The following LGI1 variants were observed in gnomAD, a reference collection of about 807,000 sequenced individuals.
LGI1 encodes the protein leucine rich glioma inactivated 1, also known as leucine-rich glioma-inactivated protein 1.
In LGI1, 11 loss-of-function variants were observed where a neutral mutation model predicts 57.7. That is an observed-to-expected ratio of 0.19 (90% CI 0.12 to 0.32). The LOEUF (loss-of-function observed/expected upper bound fraction) is 0.32. LGI1 is among the 10% of genes least tolerant of loss of function. LGI1 has a pLI of 1.00. For synonymous variants in LGI1, 222 were observed against 241.9 expected, an observed-to-expected ratio of 0.92 and a Z score of 0.76; for missense variants, 422 against 661.9, an observed-to-expected ratio of 0.64 and a Z score of 3.98.
rs9651410 is a variant in LGI1 at position 93,777,830 on chromosome 10, C to T, written c.431+213C>T. 0.98 allele frequency among the ~76,000 whole-genome samples: 149,984 copies of T among 152,338 alleles called. 73,867 individuals are homozygous for T. The highest frequency in any genetic ancestry group is 1 in the East Asian group (5,190 of 5,190). On this transcript the variant is annotated intron_variant, in intron 4 of 7. Transcript: ENST00000371418. The stretch of plus-strand genomic sequence containing the variant: ...TAATATTTTTATCCAAAACCAACCA[C>T]AATTAGAAAAGCAATCTAATGCAGG...
chr10:93,796,910 T>G (rs970248379), intron 7 of LGI1, 58 bp from the exon 8 acceptor site: 3 of 1,395,998 alleles, frequency 2.1e-6, no homozygotes, highest in Non-Finnish European at 3.0e-6. Flanking sequence ...AGCCCGCATG[T>G]TTACATGCTC....
In LGI1 at chr10:93,758,841, A is replaced by G; in HGVS notation, c.287+10A>G. 2 of 1,584,896 alleles carry G rather than the reference A, an allele frequency of 1.3e-6. No homozygotes were observed. The highest frequency in any genetic ancestry group is 1.3e-5 in the African/African-American group (1 of 74,420). On this transcript the variant is annotated intron_variant, in intron 2 of 7. Coordinates refer to ENST00000371418, the MANE Select transcript of LGI1 (RefSeq NM_005097.4). This position sits in a 1 kb window ranked among gnomAD's most constrained non-coding sequence, Gnocchi z 4.7. ...CATCGCTGCAGCTCTTGTGAGAAAT[A>G]TTTATATCATGACTATTTTTAATAT...
At chr10:93,767,224 C>A (rs1183448524) in intron 2 of LGI1, 1 of 151,934 alleles carries the variant, frequency 6.6e-6, no homozygotes, top group African/African-American at 2.4e-5. Flanking sequence ...GCTCTGATCT[C>A]CTTGCTTAAA....
At position 93,793,278 on chromosome 10, in the gene LGI1, T is replaced by C. The variant is rs1451583111; in HGVS notation, c.766T>C (p.Phe256Leu). 6.2e-7 allele frequency: 1 copy of C among 1,613,436 alleles called. No individual in the cohort carries two copies. The highest frequency in any genetic ancestry group is 8.5e-7 in the Non-Finnish European group (1 of 1,179,528). The change falls in exon 7 of 8, where the codon TTT (phenylalanine) becomes CTT (leucine). Residue 256 changes from phenylalanine (F) to leucine (L), a missense_variant. Physicochemically the swap from Phe to Leu is conservative, Grantham distance 22 (BLOSUM62 0). Transcript: ENST00000371418. ...TGAGTATGTAGTCATCGCTCAGCCTTTTACTGGAAAATGCATTTTCCTTGA... is the reference window on the plus strand; with the variant it reads ...TGAGTATGTAGTCATCGCTCAGCCTCTTACTGGAAAATGCATTTTCCTTGA... ...NDEYVVIAQP[F>L]TGKCIFLEWD...
At chr10:93,761,183 G>C (rs2059619441) in intron 2 of LGI1, among the ~76,000 whole-genome samples, 1 of 152,180 alleles carries the variant, frequency 6.6e-6, no homozygotes, top group Non-Finnish European at 1.5e-5. Context: ...GATCTCTTCT[G>C]TGAGACAGGG....
intron 4 of LGI1, among the ~76,000 whole-genome samples, chr10:93,781,361 A>C (rs975040435): frequency 3.3e-5 from 4 of 119,934 alleles, no homozygotes; most frequent in Non-Finnish European, 7.8e-5. Context: ...TCCGTCTCTA[A>C]GAAGTAAATA....
At chr10:93,791,179 CAGG>C (rs2059935029) in intron 5 of LGI1, 1 of 152,176 alleles carries the variant, frequency 6.6e-6, no homozygotes, top group Admixed American at 6.6e-5. Context: ...GGTTTAATTC[CAGG>C]AGAATGCCCA....
intron 4 of LGI1, among the ~76,000 whole-genome samples, chr10:93,782,512 A>G (rs2059855049): frequency 6.6e-6 from 1 of 152,174 alleles, no homozygotes; most frequent in African/African-American, 2.4e-5. Flanking sequence ...CCTGGATCAG[A>G]ATTCTAAATG....
intron 2 of LGI1, chr10:93,763,189 A>G (rs939541612): frequency 6.6e-6 from 1 of 152,360 alleles, no homozygotes; most frequent in Middle Eastern, 3.4e-3. Flanking sequence ...AGAAACAGAG[A>G]AAGTCCAGAC....
In LGI1 at chr10:93,766,560, A is replaced by G. The variant is rs1363007585; in HGVS notation, c.287+7729A>G. On this transcript the variant is annotated intron_variant, in intron 2 of 7. Transcript: ENST00000371418. Reference sequence around the variant, plus strand: ...CGCTCTGTCCCCCAGGCTGGAGTGCAGTGGCGCGATCTCGGCTCACTGCAA... The same window carrying G: ...CGCTCTGTCCCCCAGGCTGGAGTGCGGTGGCGCGATCTCGGCTCACTGCAA... 3.7e-5 allele frequency among the ~76,000 whole-genome samples: 4 copies of G among 107,814 alleles called. No homozygotes were observed. In the Admixed American group the frequency reaches 5.9e-4, roughly 16 times the overall value. 70.7% of individuals were successfully genotyped at this position (107,814 alleles called of 152,430 possible). A position where few individuals can be genotyped will look rare whatever the true frequency, so the allele number is the denominator to read the frequency against.
intron 4 of LGI1, among the ~76,000 whole-genome samples, chr10:93,787,206 C>T (rs375795382): frequency 6.6e-6 from 1 of 152,158 alleles, no homozygotes; most frequent in South Asian, 2.1e-4. Flanking sequence ...AAGAGCAGTT[C>T]ATTGTGGGCA....
rs2059953397 is a variant in LGI1, at chr10:93,793,492, C to G, written c.838+142C>G. 5 of 739,714 alleles carry G rather than the reference C, an allele frequency of 6.8e-6. No homozygotes were observed. The Admixed American group carries it at 1.2e-4, about 17-fold the overall frequency. 45.8% of individuals were successfully genotyped at this position (739,714 alleles called of 1,614,324 possible). On this transcript the variant is annotated intron_variant, in intron 7 of 7. Coordinates refer to ENST00000371418, the MANE Select transcript of LGI1 (RefSeq NM_005097.4). ...TTGTTAAGTGACCTGGGATTGTTCTCTAAGCCATAATTTCCCCACTTGTAA... is the reference window on the plus strand; with the variant it reads ...TTGTTAAGTGACCTGGGATTGTTCTGTAAGCCATAATTTCCCCACTTGTAA...
chr10:93,784,352 G>A (rs2059878249), intron 4 of LGI1, among the ~76,000 whole-genome samples: 1 of 152,194 alleles, frequency 6.6e-6, no homozygotes, highest in Non-Finnish European at 1.5e-5. Flanking sequence ...TAATTTTAAA[G>A]ATGAAGCCAT....
chr10:93,787,970 A>G (rs918439629), intron 4 of LGI1, among the ~76,000 whole-genome samples: 16 of 151,804 alleles, frequency 1.1e-4, no homozygotes, highest in Admixed American at 1.3e-4. Flanking sequence ...CTTCTCCTGT[A>G]TAGCCCCTAT....
chr10:93,790,222 C>A, intron 5 of LGI1, 52 bp downstream of exon 5: 2 of 1,382,992 alleles, frequency 1.4e-6, no homozygotes, highest in Non-Finnish European at 1.0e-6. Context: ...CAGTCATTAA[C>A]AAGGAAGCCT....
intron 4 of LGI1, chr10:93,788,366 G>T (rs764431703): frequency 6.6e-6 from 1 of 152,186 alleles, no homozygotes; most frequent in African/African-American, 2.4e-5. Flanking sequence ...GACAACATAC[G>T]TACAGAAGCT....
At chr10:93,782,238 C>A (rs1449460860) in intron 4 of LGI1, among the ~76,000 whole-genome samples, 1 of 152,226 alleles carries the variant, frequency 6.6e-6, no homozygotes, top group African/African-American at 2.4e-5. Context: ...CACCTCAGAT[C>A]AGTTCCTCGG....
At chr10:93,775,290 T>C (rs2059782638) in intron 2 of LGI1, among the ~76,000 whole-genome samples, 1 of 152,198 alleles carries the variant, frequency 6.6e-6, no homozygotes, top group African/African-American at 2.4e-5. Context: ...GATTAGTTTT[T>C]GTACTTTATA....
chr10:93,779,624 G>A (rs2059829213), intron 4 of LGI1, among the ~76,000 whole-genome samples: 1 of 152,186 alleles, frequency 6.6e-6, no homozygotes. Flanking sequence ...GTTTACTGGA[G>A]CCTATGATGT....
Sources: allele counts gnomAD v4.1 joint callset (sites outside exome capture counted in the v4.1 genomes callset), GRCh38; gene constraint gnomAD v4.1.1; non-coding constraint Gnocchi (gnomAD v3.1); transcripts MANE v1.5; gene names NCBI Gene and HGNC (gene_info 2026-07-23, HGNC 2026-07-21).